The following SPIDR variants were observed in gnomAD, a reference collection of about 807,000 sequenced individuals.
SPIDR encodes the protein scaffold protein involved in DNA repair, also known as DNA repair-scaffolding protein.
A neutral mutation model predicts 104.6 loss-of-function variants in SPIDR; 93 were observed. That is an observed-to-expected ratio of 0.89 (90% CI 0.75 to 1.06). The LOEUF (loss-of-function observed/expected upper bound fraction) is 1.06. SPIDR is among the 50% of genes least tolerant of loss of function. The probability of loss-of-function intolerance (pLI) is 0.00; values close to 1 mark genes in which losing one functional copy is unlikely to be tolerated. For missense variants in SPIDR, 1,154 were observed against 1,111.2 expected, an observed-to-expected ratio of 1.04 and a Z score of -0.55; for synonymous variants, 431 against 416.9, an observed-to-expected ratio of 1.03 and a Z score of -0.41.
At chr8:47,640,089 C>T (rs2068627134) in intron 10 of SPIDR, among the ~76,000 whole-genome samples, 2 of 152,204 alleles carry the variant, frequency 1.3e-5, no homozygotes, top group Non-Finnish European at 2.9e-5. Flanking sequence ...TGCATGACCC[C>T]CAGAGCTGTT....
intron 5 of SPIDR, among the ~76,000 whole-genome samples, chr8:47,394,151 CCTGCCTT>C (rs2060974358): frequency 6.6e-6 from 1 of 152,196 alleles, no homozygotes; most frequent in Admixed American, 6.5e-5. Flanking sequence ...AAGTGATCTG[CCTGCCTT>C]AGCCTTCCAA....
At chr8:47,363,313 C>T (rs1334868101) in intron 5 of SPIDR, among the ~76,000 whole-genome samples, 5 of 137,834 alleles carry the variant, frequency 3.6e-5, no homozygotes, top group African/African-American at 1.4e-4. Flanking sequence ...TCACACCATT[C>T]TCCTGCCTCA....
At chr8:47,486,951 A>G (rs1331157096) in intron 8 of SPIDR, among the ~76,000 whole-genome samples, 1 of 152,244 alleles carries the variant, frequency 6.6e-6, no homozygotes, top group Non-Finnish European at 1.5e-5. Flanking sequence ...ACTAACGAGC[A>G]AAATAACCAG....
intron 7 of SPIDR, among the ~76,000 whole-genome samples, chr8:47,409,498 AT>A: frequency 2.6e-5 from 4 of 152,160 alleles, no homozygotes; most frequent in Non-Finnish European, 5.9e-5. Flanking sequence ...CCAGTCATGT[AT>A]TCCAAACCAA....
intron 11 of SPIDR, among the ~76,000 whole-genome samples, chr8:47,680,028 A>G (rs1364678614): frequency 6.6e-6 from 1 of 152,318 alleles, no homozygotes; most frequent in Admixed American, 6.5e-5. Flanking sequence ...GTGGCGACCC[A>G]TTACTGTATG....
intron 2 of SPIDR, among the ~76,000 whole-genome samples, chr8:47,282,012 C>G (rs1222244468): frequency 6.6e-6 from 1 of 152,214 alleles, no homozygotes; most frequent in Non-Finnish European, 1.5e-5. Context: ...CCTTGTACTT[C>G]TCCATCATAG....
At chr8:47,548,289 CTGCTA>C (rs2089807483) in intron 8 of SPIDR, among the ~76,000 whole-genome samples, 1 of 152,132 alleles carries the variant, frequency 6.6e-6, no homozygotes, top group African/African-American at 2.4e-5. Flanking sequence ...GTGATTAAGT[CTGCTA>C]TGCACATTAA....
At chr8:47,343,409 AGTG>A (rs1414821335) in intron 5 of SPIDR, among the ~76,000 whole-genome samples, 2 of 152,144 alleles carry the variant, frequency 1.3e-5, no homozygotes, top group Non-Finnish European at 2.9e-5. Context: ...GAACTAATGA[AGTG>A]GAGGGTGTGA....
intron 8 of SPIDR, among the ~76,000 whole-genome samples, chr8:47,572,601 G>T (rs2058651799): frequency 6.6e-6 from 1 of 151,888 alleles, no homozygotes; most frequent in Non-Finnish European, 1.5e-5. Context: ...GGTGGAGGTT[G>T]CAGCGAGCTG....
chr8:47,729,416 T>TG lies in SPIDR; in HGVS notation c.2556dup (p.Gln853AlafsTer14), dbSNP rs749685960. ...GCCCTGCTTCTGCTGTTGCAGCTGT[T>TG]GCAGCGCAGCATTTCCTCCCTGCTG... is the stretch of plus-strand genomic sequence containing the variant. On this transcript the variant is annotated frameshift_variant, in exon 19 of 20. Transcript: ENST00000297423. LOFTEE classifies it low-confidence loss of function (END_TRUNC). 2 of 1,593,138 alleles carry TG rather than the reference T, an allele frequency of 1.3e-6. No homozygotes were observed. The highest frequency in any genetic ancestry group is 1.7e-6 in the Non-Finnish European group (2 of 1,170,128).
intron 5 of SPIDR, among the ~76,000 whole-genome samples, chr8:47,349,730 T>C (rs868928104): frequency 4.6e-5 from 7 of 152,230 alleles, no homozygotes; most frequent in African/African-American, 1.7e-4. Context: ...CTCGGACTGC[T>C]GTGCTACCAG....
At position 47,310,823 on chromosome 8, in the gene SPIDR, C is replaced by A. The variant is rs148654135; in HGVS notation, c.525+16793C>A. On this transcript the variant is annotated intron_variant, in intron 5 of 19. Coordinates refer to ENST00000297423, the MANE Select transcript of SPIDR (RefSeq NM_001080394.4). ...AAAGAGTTCAGAGGTGTATAGCCAA[C>A]TTACCTACCTATTAAGCAAAAAAAA... 3.3e-5 allele frequency among the ~76,000 whole-genome samples: 5 copies of A among 152,272 alleles called. No individual in the cohort carries two copies. The East Asian group carries it at 9.6e-4, about 29-fold the overall frequency.
intron 7 of SPIDR, among the ~76,000 whole-genome samples, chr8:47,411,172 C>G (rs577912968): frequency 1.3e-5 from 2 of 152,264 alleles, no homozygotes; most frequent in Admixed American, 1.3e-4. Context: ...TGGGTATATA[C>G]CCAGTAATGG....
intron 10 of SPIDR, chr8:47,660,319 G>A (rs2073900994): frequency 5.2e-6 from 2 of 383,704 alleles, no homozygotes; most frequent in Non-Finnish European, 3.6e-6. Context: ...ACTTCATAAT[G>A]GACTTTTATA....
intron 5 of SPIDR, among the ~76,000 whole-genome samples, chr8:47,344,000 G>A (rs536136511): frequency 5.9e-5 from 9 of 151,662 alleles, no homozygotes; most frequent in African/African-American, 1.7e-4. Context: ...TCAAGTTCTA[G>A]GGTACATGTG....
intron 14 of SPIDR, among the ~76,000 whole-genome samples, chr8:47,709,971 G>T (rs1235079184): frequency 1.3e-5 from 2 of 150,348 alleles, no homozygotes; most frequent in African/African-American, 4.9e-5. Flanking sequence ...TCCGCCTACT[G>T]GGTTCAAGCA....
chr8:47,489,347 A>C (rs2078266591), intron 8 of SPIDR, among the ~76,000 whole-genome samples: 1 of 152,216 alleles, frequency 6.6e-6, no homozygotes, highest in African/African-American at 2.4e-5. Context: ...TCAATGAAAT[A>C]AAAGAGGACA....
At chr8:47,454,863 A>G (rs2072643361) in intron 8 of SPIDR, among the ~76,000 whole-genome samples, 2 of 152,004 alleles carry the variant, frequency 1.3e-5, no homozygotes, top group Admixed American at 6.6e-5. Flanking sequence ...CCCAGACAAC[A>G]CATCAAACTG....
At chr8:47,298,875 A>T (rs1420538047) in intron 5 of SPIDR, among the ~76,000 whole-genome samples, 10 of 152,290 alleles carry the variant, frequency 6.6e-5, no homozygotes, top group Admixed American at 6.5e-4. Flanking sequence ...TATAGTTTGA[A>T]GTCAGGTAGC....
Sources: gnomAD v4.1 joint callset for allele counts (sites outside exome capture counted in the v4.1 genomes callset) on GRCh38, gnomAD v4.1.1 for gene constraint, MANE v1.5 for transcripts, NCBI Gene and HGNC (gene_info 2026-07-23, HGNC 2026-07-21) for gene names.